Variants in GNG2 observed in about 807,000 individuals in gnomAD.
GNG2 encodes guanine nucleotide-binding protein G(I)/G(S)/G(O) subunit gamma-2.
A neutral mutation model predicts 5.5 loss-of-function variants in GNG2; 5 were observed. That is an observed-to-expected ratio of 0.91 (90% CI 0.48 to 1.92). The LOEUF is 1.92. GNG2 is among the 30% of genes most tolerant of loss of function. The pLI is 0.01. For synonymous variants in GNG2, 28 were observed against 32.0 expected (o/e 0.88, Z 0.42); for missense variants, 55 against 88.4 (o/e 0.62, Z 1.52).
intron 2 of GNG2, among the ~76,000 whole-genome samples, chr14:51,938,570 C>T (rs78756912): frequency 0.032 from 4,858 of 152,254 alleles, 182 homozygotes; most frequent in East Asian, 0.13. Context: ...TGTAAAACAG[C>T]TGGGAGTTTC....
chr14:51,945,082 A>G (rs1372136555), intron 2 of GNG2, among the ~76,000 whole-genome samples: 1 of 152,148 alleles, frequency 6.6e-6, no homozygotes, highest in African/African-American at 2.4e-5. Flanking sequence ...GTGAGATACT[A>G]TCTCACACCC....
upstream of GNG2, among the ~76,000 whole-genome samples, chr14:51,857,594 G>A (rs925410678): frequency 6.6e-6 from 1 of 152,090 alleles, no homozygotes; most frequent in Non-Finnish European, 1.5e-5. Context: ...GGAGGTAGGA[G>A]GACAAAGTAG....
rs9635225 is a variant in GNG2 at position 51,908,555 on chromosome 14, T to C, written c.-30+30898T>C. Among the ~76,000 whole-genome samples, 514 of 118,548 alleles carry C rather than the reference T, an allele frequency of 4.3e-3. 4 individuals carry two copies. The highest frequency in any genetic ancestry group is 0.026 in the South Asian group (94 of 3,672). 77.8% of individuals were successfully genotyped at this position (118,548 alleles called of 152,430 possible). On this transcript the variant is annotated intron_variant, in intron 2 of 3. Coordinates refer to ENST00000556766, the MANE Select transcript of GNG2 (RefSeq NM_053064.5). ...CTATCTATCTATCTATCTATCTATC[T>C]ATCTATCCATATATATAGAGAGAGA... is the stretch of plus-strand genomic sequence containing the variant.
Position 51,897,734 on chromosome 14 carries a change from C to T in GNG2, c.-30+20077C>T, listed in dbSNP as rs1177078779. ...AAGGAACTTATGTGATGGGAGGCTA[C>T]GTGAACTTACGTGATGGCCAAGTAG... On this transcript the variant is annotated intron_variant, in intron 2 of 3. Transcript: ENST00000556766. Among the ~76,000 whole-genome samples, 16 of 152,170 alleles carry T rather than the reference C, an allele frequency of 1.1e-4. No homozygotes were observed. The East Asian group carries it at 1.3e-3, about 13-fold the overall frequency.
intron 3 of GNG2, among the ~76,000 whole-genome samples, chr14:51,961,036 T>G (rs1050163384): frequency 1.3e-5 from 2 of 152,170 alleles, no homozygotes; most frequent in African/African-American, 4.8e-5. Flanking sequence ...GGGAGATTGC[T>G]GAACTCTGTC....
chr14:51,919,787 GATC>G (rs771590299), intron 2 of GNG2, among the ~76,000 whole-genome samples: 1 of 152,196 alleles, frequency 6.6e-6, no homozygotes, highest in Non-Finnish European at 1.5e-5. Context: ...GCAAAACGGA[GATC>G]ATCTTTTAAC....
chr14:51,841,425 G>A (rs546402278), intron 2 of GNG2: 9 of 603,024 alleles, frequency 1.5e-5, no homozygotes, highest in Admixed American at 1.0e-4. Flanking sequence ...AAAAAGCCTG[G>A]CACTGTTTGT....
intron 1 of GNG2, chr14:51,827,582 G>C: frequency 3.1e-6 from 2 of 643,284 alleles, no homozygotes; most frequent in Non-Finnish European, 5.6e-6. Context: ...ACTATAACTA[G>C]CTCAGCTTTG....
intron 2 of GNG2, chr14:51,827,813 C>A (rs1350236411): frequency 1.5e-6 from 1 of 683,180 alleles, no homozygotes; most frequent in Admixed American, 2.2e-5. Context: ...CAAAGGTAGG[C>A]TTCAACAAAT....
chr14:51,890,299 A>G lies in GNG2; in HGVS notation c.-30+12642A>G, dbSNP rs540902180. On this transcript the variant is annotated intron_variant, in intron 2 of 3. Coordinates refer to ENST00000556766, the MANE Select transcript of GNG2 (RefSeq NM_053064.5). Reference sequence around the variant, plus strand: ...ATTCCCAACAAATCAGTGTTTCCTGAGTACACGAGATTTGTGGTTGAGAAA... The same window carrying G: ...ATTCCCAACAAATCAGTGTTTCCTGGGTACACGAGATTTGTGGTTGAGAAA... 2.6e-5 allele frequency among the ~76,000 whole-genome samples: 4 copies of G among 152,346 alleles called. No homozygotes were observed. In the South Asian group the frequency reaches 8.3e-4, roughly 32 times the overall value.
chr14:51,876,319 AT>A (rs1883660660), intron 1 of GNG2, among the ~76,000 whole-genome samples: 1 of 152,168 alleles, frequency 6.6e-6, no homozygotes, highest in African/African-American at 2.4e-5. Context: ...AATTATTGAT[AT>A]TTAGGCTATT....
intron 2 of GNG2, among the ~76,000 whole-genome samples, chr14:51,948,710 T>C (rs915029433): frequency 2.0e-5 from 3 of 152,202 alleles, no homozygotes; most frequent in Admixed American, 6.5e-5. Context: ...TGTTTTTCCA[T>C]GCAATTCTCC....
intron 2 of GNG2, among the ~76,000 whole-genome samples, chr14:51,844,642 C>T (rs560253505): frequency 3.3e-5 from 5 of 152,226 alleles, no homozygotes; most frequent in East Asian, 1.9e-4. Flanking sequence ...GGTTCCTTCC[C>T]GGGAGAACCT....
chr14:51,960,553 G>A (rs1433845987), intron 3 of GNG2, among the ~76,000 whole-genome samples: 1 of 129,216 alleles, frequency 7.7e-6, no homozygotes, highest in Non-Finnish European at 1.5e-5. Context: ...ATCTTGTGTT[G>A]ATTTATTCTA....
intron 2 of GNG2, among the ~76,000 whole-genome samples, chr14:51,914,922 C>G (rs960522733): frequency 6.6e-6 from 1 of 152,180 alleles, no homozygotes; most frequent in Non-Finnish European, 1.5e-5. Context: ...ACATGCCCTG[C>G]CATCATGCCT....
chr14:51,871,777 C>T (rs1883312310), intron 1 of GNG2, among the ~76,000 whole-genome samples: 1 of 152,160 alleles, frequency 6.6e-6, no homozygotes, highest in Non-Finnish European at 1.5e-5. Flanking sequence ...AATAAGGCAT[C>T]CCCTAAGGAA....
intron 2 of GNG2, among the ~76,000 whole-genome samples, chr14:51,901,968 A>T (rs1885596636): frequency 7.7e-6 from 1 of 130,636 alleles, no homozygotes; most frequent in South Asian, 2.5e-4. Context: ...ATCTGTAAAA[A>T]AAAAAAAAAA....
chr14:51,836,342 C>T (rs73289336), intron 2 of GNG2, among the ~76,000 whole-genome samples: 8,030 of 152,070 alleles, frequency 0.053, 460 homozygotes, highest in African/African-American at 0.14. Flanking sequence ...TGCAGTATCA[C>T]AGGGAAAGCA....
chr14:51,903,233 C>A (rs560612532), intron 2 of GNG2, among the ~76,000 whole-genome samples: 1 of 151,770 alleles, frequency 6.6e-6, no homozygotes, highest in South Asian at 2.1e-4. Flanking sequence ...TTATATTTAC[C>A]TCCAGTTTAA....
Sources: gnomAD v4.1 joint callset for allele counts (sites outside exome capture counted in the v4.1 genomes callset) on GRCh38, gnomAD v4.1.1 for gene constraint, MANE v1.5 for transcripts, NCBI Gene and HGNC (gene_info 2026-07-23, HGNC 2026-07-21) for gene names.